Variants in VRTN observed in about 807,000 individuals in gnomAD.
VRTN encodes vertnin.
A neutral mutation model predicts 18.2 loss-of-function variants in VRTN; 5 were observed. The observed-to-expected ratio is 0.27, with a 90% CI of 0.14 to 0.58. The LOEUF is 0.58. Ranked by LOEUF, VRTN falls within the 20% of genes least tolerant of loss-of-function variation. VRTN has a pLI of 0.91. For synonymous variants in VRTN, 381 were observed against 393.7 expected (o/e 0.97, Z 0.38); for missense variants, 741 against 939.4 (o/e 0.79, Z 2.76).
At chr14:74,307,711 A>G (rs2085362680) in intron 1 of VRTN, among the ~76,000 whole-genome samples, 1 of 152,118 alleles carries the variant, frequency 6.6e-6, no homozygotes, top group Admixed American at 6.6e-5. Flanking sequence ...TTTCAGAGTT[A>G]TCTTTTGGAT....
At chr14:74,323,083 A>C (rs2085466332) in intron 1 of VRTN, among the ~76,000 whole-genome samples, 1 of 152,038 alleles carries the variant, frequency 6.6e-6, no homozygotes. Context: ...AAGTGAGCAG[A>C]GATCATGCCA....
intron 1 of VRTN, among the ~76,000 whole-genome samples, chr14:74,314,014 G>A (rs1022171686): frequency 1.3e-5 from 2 of 152,180 alleles, no homozygotes; most frequent in Non-Finnish European, 2.9e-5. Context: ...TAATCTTAGA[G>A]TATTGAAGGG....
chr14:74,324,537 T>C (rs944542298), intron 1 of VRTN, among the ~76,000 whole-genome samples: 2 of 152,028 alleles, frequency 1.3e-5, no homozygotes, highest in Non-Finnish European at 2.9e-5. Context: ...GATGGTGAGA[T>C]ATGGACAGCC....
rs777563830 is a variant in VRTN, at chr14:74,357,626, C to T, written c.843C>T (p.Ser281=). ...TGCTCAACCGTGAACCTGGCCTCAG[C>T]TACTCTCACCTCTGTGAGCGCTACA... ...LELLNREPGL[S]YSHLCERYSV... The change falls in exon 2 of 2, where the codon AGC becomes AGT. Residue 281 remains serine, a synonymous_variant. Transcript: ENST00000256362. The surrounding 1 kb of genome is among the most constrained non-coding windows in gnomAD (Gnocchi z 7.8). 6.2e-7 allele frequency: 1 copy of T among 1,614,032 alleles called. No homozygotes were observed. The highest frequency in any genetic ancestry group is 1.1e-5 in the South Asian group (1 of 91,080).
intron 1 of VRTN, among the ~76,000 whole-genome samples, chr14:74,330,600 C>A (rs997006044): frequency 6.6e-6 from 1 of 151,938 alleles, no homozygotes; most frequent in Non-Finnish European, 1.5e-5. Context: ...TGCCACCACG[C>A]CCGGCTAATT....
At chr14:74,328,504 T>G (rs2085501764) in intron 1 of VRTN, among the ~76,000 whole-genome samples, 1 of 152,206 alleles carries the variant, frequency 6.6e-6, no homozygotes, top group Admixed American at 6.5e-5. Context: ...GAAGGAACTT[T>G]TGCAAAACAT....
upstream of VRTN, among the ~76,000 whole-genome samples, chr14:74,346,802 C>T (rs908628159): frequency 6.6e-6 from 1 of 152,112 alleles, no homozygotes; most frequent in Non-Finnish European, 1.5e-5. Flanking sequence ...AGCCAACAAA[C>T]CTTTTTGTTT....
Position 74,356,884 on chromosome 14 carries a change from C to T in VRTN, c.101C>T (p.Ala34Val). The T allele has an allele frequency of 6.2e-7, 1 of 1,614,030 alleles. No homozygotes were observed. The highest frequency in any genetic ancestry group is 8.5e-7 in the Non-Finnish European group (1 of 1,179,996). The change falls in exon 2 of 2, where the codon GCC becomes GTC. Residue 34 changes from alanine to valine, a missense_variant. Physicochemically the swap from Ala to Val is moderately conservative, Grantham distance 64. Transcript: ENST00000256362. ...GGTCTCATAGGTGCTTCCTTGGAGG[C>T]CAAGCAGGTCCTGTCTTCCTTCACT... ...LEGLIGASLEAKQVLSSFTLP... is the reference protein window; with the variant it reads ...LEGLIGASLEVKQVLSSFTLP...
intron 1 of VRTN, among the ~76,000 whole-genome samples, chr14:74,320,561 CTCTTTTTTTTTTTTTT>C (rs2085448840): frequency 1.1e-5 from 1 of 91,522 alleles, no homozygotes; most frequent in African/African-American, 4.5e-5. Context: ...TGCGCCCGGC[CTCTTTTTTTTTTTTTT>C]TTTTTTTTTT....
chr14:74,318,327 A>G (rs1233157288), intron 1 of VRTN, among the ~76,000 whole-genome samples: 1 of 150,800 alleles, frequency 6.6e-6, no homozygotes, highest in African/African-American at 2.4e-5. Context: ...CTGGAGCGCA[A>G]TGGCGTGATC....
chr14:74,350,896 G>T (rs866137150), intron 1 of VRTN, among the ~76,000 whole-genome samples: 2 of 152,202 alleles, frequency 1.3e-5, no homozygotes, highest in Non-Finnish European at 1.5e-5. Flanking sequence ...GGAACATCAT[G>T]CTCTCCTCAG....
Position 74,339,216 on chromosome 14 carries a change from T to C in VRTN, c.-2+1332T>C, listed in dbSNP as rs572054920. ...TTATTTCCTCAGGGCCAAGTAGTGT[T>C]ATGGCTGTTTTATCAGATCATTTCA... is the stretch of plus-strand genomic sequence containing the variant. On this transcript the variant is annotated intron_variant, in intron 2 of 2. Transcript: ENST00000557177. Among the ~76,000 whole-genome samples the C allele has an allele frequency of 9.2e-5, 14 of 152,242 alleles. No individual in the cohort carries two copies. In the East Asian group the frequency reaches 2.7e-3, roughly 29 times the overall value.
Position 74,359,032 on chromosome 14 carries a change from G to A in VRTN, c.*140G>A. The A allele has an allele frequency of 7.2e-7, 1 of 1,394,070 alleles. No homozygotes were observed. The highest frequency in any genetic ancestry group is 1.9e-5 in the South Asian group (1 of 51,812). 86.4% of individuals were successfully genotyped at this position (1,394,070 alleles called of 1,614,324 possible). A position where few individuals can be genotyped will look rare whatever the true frequency, so the allele number is the denominator to read the frequency against. Reference sequence around the variant, plus strand: ...ACCCTAAGTCCAAGGGTATATTTGTGTTATTTTCTGGCTCCAGGACAGAGA... The same window carrying A: ...ACCCTAAGTCCAAGGGTATATTTGTATTATTTTCTGGCTCCAGGACAGAGA... On this transcript the variant is annotated 3_prime_UTR_variant, in exon 2 of 2. Coordinates refer to ENST00000256362, the MANE Select transcript of VRTN (RefSeq NM_018228.3).
chr14:74,309,167 T>C (rs560280008), intron 1 of VRTN, among the ~76,000 whole-genome samples: 1 of 152,280 alleles, frequency 6.6e-6, no homozygotes, highest in Non-Finnish European at 1.5e-5. Context: ...CCTTTATTGT[T>C]TCCTTCCACA....
chr14:74,345,925 CAA>C (rs754493021), upstream of VRTN, among the ~76,000 whole-genome samples: 25 of 65,532 alleles, frequency 3.8e-4, no homozygotes, highest in Non-Finnish European at 3.6e-4. Context: ...ACTCCATCTC[CAA>C]AAAAAAAAAA....
intron 1 of VRTN, among the ~76,000 whole-genome samples, chr14:74,328,303 G>T (rs1410726488): frequency 3.3e-5 from 5 of 152,174 alleles, no homozygotes; most frequent in African/African-American, 4.8e-5. Context: ...TCTGTCTGGA[G>T]AGCCCAGTGG....
chr14:74,312,759 T>G (rs1238665406), intron 1 of VRTN, among the ~76,000 whole-genome samples: 1 of 148,294 alleles, frequency 6.7e-6, no homozygotes, highest in African/African-American at 2.5e-5. Flanking sequence ...CCTGTGTTTT[T>G]TTTTTTTTTT....
intron 1 of VRTN, among the ~76,000 whole-genome samples, chr14:74,349,217 G>C (rs1158560713): frequency 1.3e-5 from 2 of 152,208 alleles, no homozygotes; most frequent in Admixed American, 6.5e-5. Context: ...ATTTCCTTGG[G>C]AAGTCACAGC....
chr14:74,308,133 A>G (rs1205599430), intron 1 of VRTN, among the ~76,000 whole-genome samples: 1 of 152,002 alleles, frequency 6.6e-6, no homozygotes, highest in Non-Finnish European at 1.5e-5. Flanking sequence ...TTCACAATCC[A>G]CTTGGGCACA....
Sources: gnomAD v4.1 joint callset for allele counts (sites outside exome capture counted in the v4.1 genomes callset) on GRCh38, gnomAD v4.1.1 for gene constraint, Gnocchi (gnomAD v3.1) non-coding constraint, MANE v1.5 for transcripts, NCBI Gene and HGNC (gene_info 2026-07-23, HGNC 2026-07-21) for gene names.